TCFL5: variants seen among roughly 807,000 people sequenced by gnomAD.
TCFL5 encodes the protein transcription factor like 5.
Under a neutral mutation model 44.3 loss-of-function variants are expected in TCFL5, and 9 were observed. The observed-to-expected ratio is 0.20, with a 90% CI of 0.12 to 0.35. The LOEUF is 0.35. Ranked by LOEUF, TCFL5 falls within the 10% of genes least tolerant of loss-of-function variation. The pLI is 1.00. For missense variants in TCFL5, 603 were observed against 613.4 expected (o/e 0.98, Z 0.18); for synonymous variants, 319 against 271.6 (o/e 1.17, Z -1.72).
chr20:62,857,082 G>A (rs146172058), intron 4 of TCFL5, among the ~76,000 whole-genome samples: 4 of 152,296 alleles, frequency 2.6e-5, no homozygotes, highest in Middle Eastern at 3.4e-3. Flanking sequence ...CACAGGGCGC[G>A]CTCTTAGAAG....
chr20:62,844,582 G>GTTTTTTTTTTTTTTTTTTTTT (rs745684819), intron 5 of TCFL5, among the ~76,000 whole-genome samples: 1 of 120,562 alleles, frequency 8.3e-6, no homozygotes, highest in African/African-American at 3.6e-5. Context: ...TTTGTTTTTT[G>GTTTTTTTTTTTTTTTTTTTTT]TTTTTTTTTT....
At chr20:62,852,655 C>T (rs1366554307) in intron 5 of TCFL5, 3 of 974,906 alleles carry the variant, frequency 3.1e-6, no homozygotes, top group Non-Finnish European at 2.4e-6. Context: ...TATATTCACC[C>T]GGTCCACAGA....
intron 5 of TCFL5, chr20:62,851,557 A>C: frequency 4.1e-6 from 4 of 985,338 alleles, no homozygotes; most frequent in Non-Finnish European, 4.8e-6. Flanking sequence ...AATAATCTTC[A>C]AGAGTAACTG....
At chr20:62,845,301 T>C (rs926135297) in intron 5 of TCFL5, 2 of 842,522 alleles carry the variant, frequency 2.4e-6, no homozygotes, top group African/African-American at 1.8e-5. Flanking sequence ...TTTGTATTTT[T>C]AGTAGAGACG....
intron 5 of TCFL5, among the ~76,000 whole-genome samples, chr20:62,843,376 G>A (rs76382548): frequency 0.023 from 3,453 of 152,084 alleles, 135 homozygotes; most frequent in African/African-American, 0.077. Context: ...CTTTTCTTTC[G>A]GAAGATATAT....
In TCFL5 at chr20:62,854,039, T is replaced by C; in HGVS notation, c.1357A>G (p.Arg453Gly). ...ACCTTTTTAAGAGAATCTCCATGTC[T>C]TTCCTGGATGTATTTCAGGAATGCT... Reference protein sequence around the residue: ...TTAFLKYIQERHGDSLKKEFE... With the variant: ...TTAFLKYIQEGHGDSLKKEFE... Residue 453 changes from arginine to glycine, a missense_variant, in exon 5 of 6, where the codon AGA (arginine) becomes GGA (glycine). By Grantham distance (125) the Arg-to-Gly change is moderately radical (BLOSUM62 -2). Coordinates refer to ENST00000335351, the MANE Select transcript of TCFL5 (RefSeq NM_006602.4). 6.2e-7 allele frequency: 1 copy of C among 1,614,088 alleles called. No individual in the cohort carries two copies. The highest frequency in any genetic ancestry group is 8.5e-7 in the Non-Finnish European group (1 of 1,180,014).
chr20:62,853,125 AG>A (rs2063837577), intron 5 of TCFL5, among the ~76,000 whole-genome samples: 1 of 151,036 alleles, frequency 6.6e-6, no homozygotes, highest in Non-Finnish European at 1.5e-5. Flanking sequence ...GGTCCACAGA[AG>A]TACAGTCACC....
intron 5 of TCFL5, chr20:62,846,249 C>T (rs769842440): frequency 7.6e-5 from 41 of 540,690 alleles, no homozygotes; most frequent in Non-Finnish European, 1.1e-4. Flanking sequence ...ACTATTTTCA[C>T]ACAGTGATGA....
intron 5 of TCFL5, among the ~76,000 whole-genome samples, chr20:62,850,462 C>A (rs2063793127): frequency 6.6e-6 from 1 of 152,066 alleles, no homozygotes; most frequent in Non-Finnish European, 1.5e-5. Flanking sequence ...AACCCTGACG[C>A]CTTTTTCCCA....
chr20:62,852,691 TAC>T (rs1289610371), intron 5 of TCFL5: 1 of 984,694 alleles, frequency 1.0e-6, no homozygotes, highest in Admixed American at 6.2e-5. Flanking sequence ...TCCACAGAAG[TAC>T]AGTCACCCGG....
At chr20:62,845,469 C>G in intron 5 of TCFL5, 1 of 1,365,076 alleles carries the variant, frequency 7.3e-7, no homozygotes. Context: ...AAAATGACCC[C>G]ACATTTTGAT....
chr20:62,845,029 T>C, intron 5 of TCFL5: 2 of 986,264 alleles, frequency 2.0e-6, no homozygotes, highest in African/African-American at 3.5e-5. Flanking sequence ...CCATCCACTT[T>C]TAAGCAACTT....
intron 2 of TCFL5, among the ~76,000 whole-genome samples, chr20:62,859,898 G>A (rs1224781443): frequency 9.9e-5 from 15 of 151,780 alleles, no homozygotes; most frequent in African/African-American, 3.6e-4. Context: ...ATTTTCGTAC[G>A]GGGTTTCACC....
chr20:62,857,742 G>C lies in TCFL5; in HGVS notation c.995-104C>G, dbSNP rs2063917258. On this transcript the variant is annotated intron_variant, in intron 3 of 5. Transcript: ENST00000335351. ...CAATCCAAGATATAAACATTATTGG[G>C]TAAGCAGCACAGAGAACCGAAACAC... 4 of 1,383,646 alleles carry C rather than the reference G, an allele frequency of 2.9e-6. No individual in the cohort carries two copies. In the South Asian group the frequency reaches 5.6e-5, roughly 19 times the overall value. The allele number at this position is 1,383,646 out of a possible 1,614,324, so 85.7% of individuals were successfully genotyped here.
At chr20:62,858,344 A>T (rs1437391220) in intron 3 of TCFL5, among the ~76,000 whole-genome samples, 2 of 152,182 alleles carry the variant, frequency 1.3e-5, no homozygotes, top group Admixed American at 1.3e-4. Flanking sequence ...CAGAAGGATG[A>T]TGAAGCTTTC....
intron 5 of TCFL5, among the ~76,000 whole-genome samples, chr20:62,848,760 G>A (rs749783273): frequency 6.6e-6 from 1 of 152,082 alleles, no homozygotes; most frequent in Non-Finnish European, 1.5e-5. Context: ...ACACTGGGCC[G>A]GGTGTGGTGG....
intron 5 of TCFL5, among the ~76,000 whole-genome samples, chr20:62,847,486 T>G (rs2063758354): frequency 6.6e-6 from 1 of 152,108 alleles, no homozygotes; most frequent in Non-Finnish European, 1.5e-5. Context: ...CCAGAAAGAC[T>G]CCAGCACGGC....
At chr20:62,851,695 G>A (rs1173785406) in intron 5 of TCFL5, 7 of 985,176 alleles carry the variant, frequency 7.1e-6, no homozygotes, top group Non-Finnish European at 8.4e-6. Context: ...AATGTCATGT[G>A]GACACAGAAA....
intron 5 of TCFL5, among the ~76,000 whole-genome samples, chr20:62,844,573 TTG>T (rs1294514483): frequency 7.3e-6 from 1 of 137,572 alleles, no homozygotes; most frequent in Non-Finnish European, 1.5e-5. Context: ...TTTTTTTTGT[TTG>T]TTTTTTGTTT....
Sources: allele counts gnomAD v4.1 joint callset (sites outside exome capture counted in the v4.1 genomes callset), GRCh38; gene constraint gnomAD v4.1.1; transcripts MANE v1.5; gene names NCBI Gene and HGNC (gene_info 2026-07-23, HGNC 2026-07-21).